The following MAF variants were observed in gnomAD, a reference collection of about 807,000 sequenced individuals.
MAF encodes MAF bZIP transcription factor, also known as transcription factor Maf.
Under a neutral mutation model 22.0 loss-of-function variants are expected in MAF, and 10 were observed. The observed-to-expected ratio is 0.45, with a 90% confidence interval of 0.28 to 0.77. The LOEUF (loss-of-function observed/expected upper bound fraction) is 0.77, where lower values mean the gene tolerates loss of function less well. Among genes scored for constraint, MAF ranks in the 30% least tolerant of loss-of-function variants. The probability of loss-of-function intolerance (pLI) is 0.12; values close to 1 mark genes in which losing one functional copy is unlikely to be tolerated. For synonymous variants in MAF, 337 were observed against 255.8 expected (o/e 1.32, Z -3.03); for missense variants, 544 against 548.4 (o/e 0.99, Z 0.08).
the MAF span, among the ~76,000 whole-genome samples, chr16:79,418,709 C>G: frequency 6.6e-6 from 1 of 152,142 alleles, no homozygotes; most frequent in Non-Finnish European, 1.5e-5. Context: ...GGGCGCCTAC[C>G]ATATGTAAGG....
chr16:79,204,906 T>G, the MAF span: 1 of 152,248 alleles, frequency 6.6e-6, no homozygotes, highest in African/African-American at 2.4e-5. Flanking sequence ...TCTTGCTGGC[T>G]TTCCAATTCA....
chr16:79,435,949 G>A, the MAF span, among the ~76,000 whole-genome samples: 1 of 152,136 alleles, frequency 6.6e-6, no homozygotes, highest in African/African-American at 2.4e-5. Context: ...TAGCAAGAAG[G>A]GTGCAGGAAG....
At chr16:79,502,021 T>C in the MAF span, among the ~76,000 whole-genome samples, 73 of 152,270 alleles carry the variant, frequency 4.8e-4, 1 homozygote, top group South Asian at 0.015. Context: ...TATTTAAGGG[T>C]ATCAATTTCT....
At chr16:79,386,775 C>T in the MAF span, among the ~76,000 whole-genome samples, 8 of 152,006 alleles carry the variant, frequency 5.3e-5, no homozygotes, top group African/African-American at 1.7e-4. Context: ...TGGTGAGATC[C>T]AATGGACAAG....
At chr16:79,323,166 A>C in the MAF span, among the ~76,000 whole-genome samples, 1 of 132,606 alleles carries the variant, frequency 7.5e-6, no homozygotes, top group African/African-American at 3.3e-5. Context: ...AAAAAAAAAA[A>C]AAAAAAAAAA....
chr16:79,308,636 C>T, the MAF span, among the ~76,000 whole-genome samples: 17 of 152,110 alleles, frequency 1.1e-4, no homozygotes, highest in Non-Finnish European at 1.8e-4. Flanking sequence ...ATATTGAAGC[C>T]CTATTAACAG....
At chr16:79,352,417 C>T in the MAF span, among the ~76,000 whole-genome samples, 1 of 152,054 alleles carries the variant, frequency 6.6e-6, no homozygotes, top group Non-Finnish European at 1.5e-5. Context: ...GGGTGGATGC[C>T]TGACGTTGCC....
the MAF span, among the ~76,000 whole-genome samples, chr16:79,405,619 T>C: frequency 1.3e-5 from 2 of 152,160 alleles, no homozygotes; most frequent in African/African-American, 4.8e-5. Flanking sequence ...TAAAGCTGAT[T>C]TTTCCAAATA....
At chr16:79,446,567 C>T in the MAF span, among the ~76,000 whole-genome samples, 1 of 152,092 alleles carries the variant, frequency 6.6e-6, no homozygotes, top group Non-Finnish European at 1.5e-5. Context: ...GCTAAAGCCC[C>T]ATTATGGGCT....
the MAF span, among the ~76,000 whole-genome samples, chr16:79,257,699 G>C: frequency 5.3e-5 from 8 of 152,176 alleles, no homozygotes; most frequent in Non-Finnish European, 1.0e-4. Context: ...TGTCCAGTCT[G>C]TACATGTAAT....
At chr16:79,267,579 G>C in the MAF span, among the ~76,000 whole-genome samples, 1 of 152,184 alleles carries the variant, frequency 6.6e-6, no homozygotes, top group Non-Finnish European at 1.5e-5. Flanking sequence ...CAATCAGCTG[G>C]TGGCGGACAG....
chr16:79,449,733 A>T, the MAF span, among the ~76,000 whole-genome samples: 473 of 152,266 alleles, frequency 3.1e-3, 4 homozygotes, highest in African/African-American at 0.011. Flanking sequence ...TGTGTAAAAT[A>T]GCAGTCGTTT....
the MAF span, chr16:79,211,551 C>CCAT: frequency 1.9e-5 from 30 of 1,610,120 alleles, no homozygotes; most frequent in African/African-American, 4.0e-5. Flanking sequence ...CGAAATGACG[C>CCAT]CATCTCATCA....
At chr16:79,495,124 T>G in the MAF span, among the ~76,000 whole-genome samples, 2 of 152,040 alleles carry the variant, frequency 1.3e-5, no homozygotes, top group Non-Finnish European at 2.9e-5. Flanking sequence ...AGGCTCTATT[T>G]GGTAGGCGTG....
the MAF span, among the ~76,000 whole-genome samples, chr16:79,431,111 C>G: frequency 6.6e-6 from 1 of 152,150 alleles, no homozygotes; most frequent in Non-Finnish European, 1.5e-5. Context: ...TGCCTCCACA[C>G]CAGGGTACAC....
the MAF span, among the ~76,000 whole-genome samples, chr16:79,479,016 A>T: frequency 5.9e-5 from 9 of 151,614 alleles, no homozygotes; most frequent in Admixed American, 5.2e-4. Flanking sequence ...GCACCTGTGC[A>T]CCACCCCAGC....
At chr16:79,283,650 C>A in the MAF span, among the ~76,000 whole-genome samples, 16 of 152,126 alleles carry the variant, frequency 1.1e-4, no homozygotes, top group Non-Finnish European at 2.1e-4. Flanking sequence ...GAAAATTGTC[C>A]AAATATGGTA....
the MAF span, among the ~76,000 whole-genome samples, chr16:79,402,327 G>C: frequency 6.6e-6 from 1 of 152,206 alleles, no homozygotes; most frequent in African/African-American, 2.4e-5. Context: ...GTGTGGGTGA[G>C]AAGGAGAGAG....
chr16:79,562,106 C>A, the MAF span, among the ~76,000 whole-genome samples: 1 of 152,190 alleles, frequency 6.6e-6, no homozygotes, highest in East Asian at 1.9e-4. Flanking sequence ...CCCTTTCCAT[C>A]CCTATTCCCT....
Sources: gnomAD v4.1 joint callset for allele counts (sites outside exome capture counted in the v4.1 genomes callset) on GRCh38, gnomAD v4.1.1 for gene constraint, MANE v1.5 for transcripts, NCBI Gene and HGNC (gene_info 2026-07-23, HGNC 2026-07-21) for gene names.